TTC7A: variants seen among roughly 807,000 people sequenced by gnomAD.
TTC7A encodes tetratricopeptide repeat domain 7A, also known as tetratricopeptide repeat protein 7A.
Under a neutral mutation model 103.7 loss-of-function variants are expected in TTC7A, and 110 were observed. The ratio of observed to expected loss-of-function variants is 1.06; its 90% confidence interval spans 0.91 to 1.24. The LOEUF (loss-of-function observed/expected upper bound fraction) is 1.24, where lower values mean the gene tolerates loss of function less well. Among genes scored for constraint, TTC7A ranks in the 50% most tolerant of loss-of-function variants. The pLI, the probability that TTC7A is intolerant of heterozygous loss-of-function variation, is 0.00. For missense variants in TTC7A, 1,340 were observed against 1,116.3 expected (o/e 1.20, Z -2.86); for synonymous variants, 521 against 467.9 (o/e 1.11, Z -1.47).
intron 14 of TTC7A, among the ~76,000 whole-genome samples, chr2:47,025,806 C>T (rs1317996856): frequency 6.6e-6 from 1 of 152,214 alleles, no homozygotes; most frequent in Non-Finnish European, 1.5e-5. Context: ...GCTGCGCCCC[C>T]ACCCTGTCCC....
Position 46,923,245 on chromosome 2 carries a change from T to C in TTC7A, c.82+5968T>C, listed in dbSNP as rs117921533. Among the ~76,000 whole-genome samples, 11 of 152,326 alleles carry C rather than the reference T, an allele frequency of 7.2e-5. No individual in the cohort carries two copies. The East Asian group carries it at 1.9e-3, about 27-fold the overall frequency. On this transcript the variant is annotated intron_variant, in intron 2 of 20. Coordinates refer to the TTC7A transcript ENST00000409245. ...GCACAGTTGACCAAACCATTAGTCA[T>C]TGGTGATCAACTTAACCTTCAGCCC...
intron 19 of TTC7A, among the ~76,000 whole-genome samples, chr2:47,070,270 A>C (rs758929937): frequency 8.5e-5 from 13 of 152,232 alleles, no homozygotes; most frequent in Non-Finnish European, 1.3e-4. Flanking sequence ...TCCCACAGGG[A>C]GGCTCCCCAC....
intron 19 of TTC7A, among the ~76,000 whole-genome samples, chr2:47,062,127 C>T (rs964862185): frequency 6.6e-6 from 1 of 152,186 alleles, no homozygotes; most frequent in African/African-American, 2.4e-5. Flanking sequence ...TCAGCCATGT[C>T]AGGGAAAACG....
chr2:46,958,664 C>T (rs1572723844), intron 3 of TTC7A: 2 of 689,920 alleles, frequency 2.9e-6, no homozygotes, highest in African/African-American at 3.8e-5. Context: ...TCTGCCTGTC[C>T]TCCTCCCTGT....
chr2:46,983,413 G>A (rs1054970159), intron 5 of TTC7A, among the ~76,000 whole-genome samples: 2 of 152,308 alleles, frequency 1.3e-5, no homozygotes, highest in African/African-American at 4.8e-5. Flanking sequence ...TTCATGGCCC[G>A]GCAGTTGAAG....
rs1407425017 is a variant in TTC7A, at chr2:47,051,749, C to T, written c.2021C>T (p.Ser674Phe). ...LPDAHDADSG[S>F]RRASSIAASR... ...CTCGTGCCCTCTTGCTCTGCAGGCTCCCGGCGGGCTTCGTCCATCGCCGCC... is the reference window on the plus strand; with the variant it reads ...CTCGTGCCCTCTTGCTCTGCAGGCTTCCGGCGGGCTTCGTCCATCGCCGCC... The change falls in exon 18 of 20, where the codon TCC (serine) becomes TTC (phenylalanine). Residue 674 changes from serine (S) to phenylalanine (F), a missense_variant. Coordinates refer to ENST00000319190, the MANE Select transcript of TTC7A (RefSeq NM_020458.4). The T allele has an allele frequency of 4.3e-6, 7 of 1,609,302 alleles. No homozygotes were observed. Among genetic ancestry groups the T allele is most frequent in the Middle Eastern group, 2.2e-4 (1 of 4,496 alleles).
chr2:46,966,104 C>T (rs1270586065), intron 3 of TTC7A, among the ~76,000 whole-genome samples: 1 of 152,008 alleles, frequency 6.6e-6, no homozygotes, highest in Non-Finnish European at 1.5e-5. Context: ...CATGCGCCAC[C>T]ACGCCTGGCT....
chr2:46,921,155 C>A (rs1669083003), intron 2 of TTC7A, among the ~76,000 whole-genome samples: 1 of 152,044 alleles, frequency 6.6e-6, no homozygotes, highest in African/African-American at 2.4e-5. Flanking sequence ...TTAGTATATT[C>A]ATTATACTAG....
chr2:46,939,862 C>A (rs1347986900), upstream of TTC7A, among the ~76,000 whole-genome samples: 2 of 152,186 alleles, frequency 1.3e-5, no homozygotes, highest in African/African-American at 4.8e-5. Context: ...TTACAGACTG[C>A]TTGACTAAAC....
intron 2 of TTC7A, among the ~76,000 whole-genome samples, chr2:46,955,049 C>CA (rs1671726748): frequency 6.6e-6 from 1 of 152,218 alleles, no homozygotes; most frequent in African/African-American, 2.4e-5. Flanking sequence ...CCCTTGTCTC[C>CA]ATGTGCAGGA....
At chr2:46,980,664 G>C (rs1423961844) in intron 5 of TTC7A, among the ~76,000 whole-genome samples, 1 of 152,194 alleles carries the variant, frequency 6.6e-6, no homozygotes, top group African/African-American at 2.4e-5. Flanking sequence ...GCCCTGGCTG[G>C]GGCAGGGGAA....
At chr2:47,027,572 A>G (rs946033780) in intron 14 of TTC7A, among the ~76,000 whole-genome samples, 1 of 152,226 alleles carries the variant, frequency 6.6e-6, no homozygotes, top group East Asian at 1.9e-4. Context: ...ATTCAGAGAG[A>G]ATGAGGGACA....
intron 15 of TTC7A, among the ~76,000 whole-genome samples, chr2:47,038,270 A>G (rs1572990043): frequency 6.7e-6 from 1 of 150,032 alleles, no homozygotes; most frequent in African/African-American, 2.5e-5. Context: ...AAAAAAAAAA[A>G]AAAAGAAAGA....
At chr2:47,006,835 G>A (rs1235748113) in intron 10 of TTC7A, 111 bp downstream of exon 10, 8 of 866,772 alleles carry the variant, frequency 9.2e-6, no homozygotes, top group Non-Finnish European at 1.3e-5. Flanking sequence ...TCCTGCCGCT[G>A]GTTTGAACCT....
chr2:47,053,832 C>T (rs757873369), intron 18 of TTC7A, among the ~76,000 whole-genome samples: 3 of 152,226 alleles, frequency 2.0e-5, no homozygotes, highest in African/African-American at 7.2e-5. Context: ...CCGTGGCCCA[C>T]CAAAGTGCTG....
At chr2:47,028,955 C>T (rs1052877771) in intron 14 of TTC7A, among the ~76,000 whole-genome samples, 1 of 152,220 alleles carries the variant, frequency 6.6e-6, no homozygotes, top group Non-Finnish European at 1.5e-5. Flanking sequence ...GTGGCTTCCA[C>T]TCCTCCCATT....
intron 4 of TTC7A, 107 bp from the exon 5 acceptor site, chr2:46,978,685 C>T: frequency 1.3e-6 from 1 of 759,408 alleles, no homozygotes; most frequent in African/African-American, 1.7e-5. Flanking sequence ...AACAATGTGC[C>T]CCTGAACAAC....
At position 47,049,083 on chromosome 2, in the gene TTC7A, G is replaced by A. The variant is rs143268932; in HGVS notation, c.1920-866G>A. On this transcript the variant is annotated intron_variant, in intron 16 of 19. Transcript: ENST00000319190. The stretch of plus-strand genomic sequence containing the variant: ...GAGTTACGATGGCAAGGACACCCCT[G>A]GTATTCATTGTGGGATCATCATCTT... 7.9e-4 allele frequency among the ~76,000 whole-genome samples: 121 copies of A among 152,216 alleles called. No individual in the cohort carries two copies. In the Middle Eastern group the frequency reaches 0.014, roughly 17 times the overall value.
rs1310682651 is a variant in TTC7A, at chr2:46,978,948, C to G, written c.764+41C>G. ...TTGAGTGAGTGGGAGAACGATTCCCCTGGGCTGAGGCTTTTGACGTGGCCT... is the reference window on the plus strand; with the variant it reads ...TTGAGTGAGTGGGAGAACGATTCCCGTGGGCTGAGGCTTTTGACGTGGCCT... On this transcript the variant is annotated intron_variant, in intron 5 of 19. Coordinates refer to ENST00000319190, the MANE Select transcript of TTC7A (RefSeq NM_020458.4). 2.7e-6 allele frequency: 4 copies of G among 1,460,054 alleles called. No homozygotes were observed. In the South Asian group the frequency reaches 3.4e-5, roughly 13 times the overall value. 90.4% of individuals were successfully genotyped at this position (1,460,054 alleles called of 1,614,324 possible).
Sources: allele counts gnomAD v4.1 joint callset (sites outside exome capture counted in the v4.1 genomes callset), GRCh38; gene constraint gnomAD v4.1.1; transcripts MANE v1.5; gene names NCBI Gene and HGNC (gene_info 2026-07-23, HGNC 2026-07-21).